The following PLCL1 variants were observed in gnomAD, a reference collection of about 807,000 sequenced individuals.
PLCL1 encodes the protein inactive phospholipase C-like protein 1.
PLCL1 carries 41 observed loss-of-function variants against 84.4 expected under a neutral mutation model. The observed-to-expected ratio is 0.49, with a 90% CI of 0.38 to 0.63. The LOEUF is 0.63. Ranked by LOEUF, PLCL1 falls within the 30% of genes least tolerant of loss-of-function variation. The pLI is 0.00. For missense variants in PLCL1, 1,206 were observed against 1,367.8 expected, an observed-to-expected ratio of 0.88 and a Z score of 1.87; for synonymous variants, 490 against 488.3, an observed-to-expected ratio of 1.00 and a Z score of -0.05.
intron 5 of PLCL1, among the ~76,000 whole-genome samples, chr2:198,120,111 G>C (rs1574326425): frequency 1.3e-5 from 2 of 151,886 alleles, no homozygotes; most frequent in South Asian, 2.1e-4. Flanking sequence ...TTCTCATGGG[G>C]TTGAAATTTT....
At chr2:197,983,190 C>CTTTTTTTTTTTTTTTTTTTTTTT (rs1445206643) in intron 1 of PLCL1, among the ~76,000 whole-genome samples, 1 of 66,070 alleles carries the variant, frequency 1.5e-5, no homozygotes, top group African/African-American at 5.3e-5. Flanking sequence ...TTTTCTTTTT[C>CTTTTTTTTTTTTTTTTTTTTTTT]TTTTCTTTTC....
chr2:197,928,189 C>T (rs896048440), intron 1 of PLCL1, among the ~76,000 whole-genome samples: 1 of 152,134 alleles, frequency 6.6e-6, no homozygotes, highest in Non-Finnish European at 1.5e-5. Flanking sequence ...CATGAGTAAG[C>T]ATCCAGAATG....
chr2:198,097,749 A>G (rs1016188478), intron 3 of PLCL1, among the ~76,000 whole-genome samples: 1 of 152,180 alleles, frequency 6.6e-6, no homozygotes, highest in South Asian at 2.1e-4. Flanking sequence ...GTCCTGCGCC[A>G]TTACAAATCA....
At chr2:197,904,629 A>G (rs796358507) in intron 1 of PLCL1, among the ~76,000 whole-genome samples, 1 of 152,204 alleles carries the variant, frequency 6.6e-6, no homozygotes, top group African/African-American at 2.4e-5. Flanking sequence ...CTGACAGACG[A>G]GTGTAGGAGT....
At chr2:198,047,159 GTGTGTA>G (rs1033075904) in intron 1 of PLCL1, among the ~76,000 whole-genome samples, 8 of 83,090 alleles carry the variant, frequency 9.6e-5, no homozygotes, top group South Asian at 4.1e-4. Context: ...AGATGCATGT[GTGTGTA>G]TGTGTGTGTG....
chr2:198,041,804 A>C (rs1262698705), intron 1 of PLCL1, among the ~76,000 whole-genome samples: 2 of 152,214 alleles, frequency 1.3e-5, no homozygotes, highest in Non-Finnish European at 2.9e-5. Flanking sequence ...GGAGGAGAGA[A>C]TATTCTAGGT....
intron 1 of PLCL1, among the ~76,000 whole-genome samples, chr2:197,874,738 T>G (rs1417570604): frequency 1.3e-5 from 2 of 148,782 alleles, no homozygotes; most frequent in Non-Finnish European, 2.9e-5. Flanking sequence ...TATGGTACAC[T>G]AAGGTTTCTT....
chr2:197,940,199 A>G (rs1438309020), intron 1 of PLCL1, among the ~76,000 whole-genome samples: 3 of 152,178 alleles, frequency 2.0e-5, no homozygotes, highest in Non-Finnish European at 4.4e-5. Context: ...TGAACAAAAT[A>G]CTTTTAAGGT....
intron 1 of PLCL1, among the ~76,000 whole-genome samples, chr2:197,918,842 G>T: frequency 6.6e-6 from 1 of 152,124 alleles, no homozygotes; most frequent in East Asian, 1.9e-4. Flanking sequence ...AGGGGAGCCT[G>T]AGGTGGGAGG....
At chr2:197,932,526 C>T (rs186522310) in intron 1 of PLCL1, among the ~76,000 whole-genome samples, 1 of 152,120 alleles carries the variant, frequency 6.6e-6, no homozygotes, top group African/African-American at 2.4e-5. Flanking sequence ...CCCCTACCCC[C>T]CAAACCCAGC....
At chr2:197,870,790 C>G (rs1574923108) in intron 1 of PLCL1, among the ~76,000 whole-genome samples, 4 of 151,186 alleles carry the variant, frequency 2.6e-5, no homozygotes, top group Admixed American at 6.6e-5. Flanking sequence ...AACTGCTTCT[C>G]CTTGGATGTG....
Position 198,147,014 on chromosome 2 carries a change from C to T in PLCL1, c.*52C>T, listed in dbSNP as rs778311884. 226 of 1,429,180 alleles carry T rather than the reference C, an allele frequency of 1.6e-4. No individual in the cohort carries two copies. The highest frequency in any genetic ancestry group is 1.9e-4 in the Non-Finnish European group (204 of 1,062,846). 88.5% of individuals were successfully genotyped at this position (1,429,180 alleles called of 1,614,324 possible). On this transcript the variant is annotated 3_prime_UTR_variant, in exon 6 of 6. Transcript: ENST00000428675. Reference sequence around the variant, plus strand: ...CATCTTATCAAGGACTCTGGTTTCTCATTCTTGTTTTCTTTCTTTAAATGT... The same window carrying T: ...CATCTTATCAAGGACTCTGGTTTCTTATTCTTGTTTTCTTTCTTTAAATGT...
At chr2:198,015,399 T>G (rs1433715629) in intron 1 of PLCL1, among the ~76,000 whole-genome samples, 1 of 152,194 alleles carries the variant, frequency 6.6e-6, no homozygotes, top group Non-Finnish European at 1.5e-5. Context: ...ACACTTTTAT[T>G]TTGTTTTTAC....
At chr2:198,026,255 C>T (rs1415654353) in intron 1 of PLCL1, among the ~76,000 whole-genome samples, 2 of 152,098 alleles carry the variant, frequency 1.3e-5, no homozygotes, top group Non-Finnish European at 2.9e-5. Context: ...TTTCTTAGAG[C>T]TTTTAGTAAC....
At chr2:198,128,841 C>T (rs1694053306) in intron 5 of PLCL1, among the ~76,000 whole-genome samples, 1 of 152,146 alleles carries the variant, frequency 6.6e-6, no homozygotes. Context: ...AGGTTAGAGG[C>T]AAGATGGAGT....
intron 5 of PLCL1, among the ~76,000 whole-genome samples, chr2:198,134,630 A>G (rs1040909464): frequency 1.3e-5 from 2 of 152,180 alleles, no homozygotes; most frequent in African/African-American, 4.8e-5. Flanking sequence ...CAGCCTCTTT[A>G]AAAGCATTAT....
At chr2:198,056,978 G>C (rs1350713979) in intron 1 of PLCL1, among the ~76,000 whole-genome samples, 1 of 152,140 alleles carries the variant, frequency 6.6e-6, no homozygotes, top group Non-Finnish European at 1.5e-5. Flanking sequence ...TGAGGATATA[G>C]CACATTTTGA....
chr2:197,975,240 A>T (rs1689954676), intron 1 of PLCL1, among the ~76,000 whole-genome samples: 2 of 150,694 alleles, frequency 1.3e-5, no homozygotes, highest in Non-Finnish European at 3.0e-5. Context: ...TTTTGCATAG[A>T]TTATCTCTAA....
intron 1 of PLCL1, among the ~76,000 whole-genome samples, chr2:197,907,390 T>C (rs1476267084): frequency 6.6e-6 from 1 of 152,090 alleles, no homozygotes; most frequent in Non-Finnish European, 1.5e-5. Context: ...AGGCCTGTGC[T>C]ACCACGCCTG....
Sources: allele counts gnomAD v4.1 joint callset (sites outside exome capture counted in the v4.1 genomes callset), GRCh38; gene constraint gnomAD v4.1.1; transcripts MANE v1.5; gene names NCBI Gene and HGNC (gene_info 2026-07-23, HGNC 2026-07-21).